Variants in SNX13 observed in about 807,000 individuals in gnomAD.
SNX13 encodes sorting nexin-13.
SNX13 carries 45 observed loss-of-function variants against 133.6 expected under a neutral mutation model. The ratio of observed to expected loss-of-function variants is 0.34; its 90% CI spans 0.27 to 0.43. SNX13 has a LOEUF of 0.43. Among genes scored for constraint, SNX13 ranks in the 20% least tolerant of loss-of-function variants. The probability of loss-of-function intolerance (pLI) is 1.00; values close to 1 mark genes in which losing one functional copy is unlikely to be tolerated. For synonymous variants in SNX13, 414 were observed against 373.9 expected (o/e 1.11, Z -1.24); for missense variants, 1,032 against 1,145.1 (o/e 0.90, Z 1.43).
chr7:17,794,056 G>A lies in SNX13; in HGVS notation c.2863C>T (p.Gln955Ter). ...CATAGAGTGGAGTGTCACCTTTTCTGCAAAGAAGGCGCTTGAGTAGTTTGA... is the reference window on the plus strand; with the variant it reads ...CATAGAGTGGAGTGTCACCTTTTCTACAAAGAAGGCGCTTGAGTAGTTTGA... Reference protein sequence around the residue: ...KLQTTQAPSLQKR With the variant: ...KLQTTQAPSL Residue 955 changes from glutamine (Q) to a stop codon, truncating the protein, a stop_gained, in exon 26 of 26, where the codon CAG (glutamine) becomes TAG (stop). Transcript: ENST00000428135. LOFTEE classifies it high-confidence loss of function. The A allele has an allele frequency of 6.2e-7, 1 of 1,610,988 alleles. No homozygotes were observed. The highest frequency in any genetic ancestry group is 8.5e-7 in the Non-Finnish European group (1 of 1,177,964).
chr7:17,829,992 A>G lies in SNX13; in HGVS notation c.1635+18T>C. On this transcript the variant is annotated intron_variant, in intron 16 of 25. Transcript: ENST00000428135. ...TATTTTCAAGTCACTTTAATAAAGT[A>G]CCCATAATAGTACTTACCAAATTTA... 1 of 1,504,582 alleles carries G rather than the reference A, an allele frequency of 6.6e-7. No homozygotes were observed. The highest frequency in any genetic ancestry group is 9.0e-7 in the Non-Finnish European group (1 of 1,111,696). 93.2% of individuals were successfully genotyped at this position (1,504,582 alleles called of 1,614,324 possible). A position where few individuals can be genotyped will look rare whatever the true frequency, so the allele number is the denominator to read the frequency against.
At chr7:17,839,248 A>G (rs901990016) in intron 13 of SNX13, among the ~76,000 whole-genome samples, 1 of 149,896 alleles carries the variant, frequency 6.7e-6, no homozygotes, top group Non-Finnish European at 1.5e-5. Flanking sequence ...TATAGTATAT[A>G]TATTATTCTA....
chr7:17,831,963 CT>C (rs1432255136), intron 15 of SNX13: 3 of 983,804 alleles, frequency 3.0e-6, no homozygotes, highest in African/African-American at 3.5e-5. Context: ...ACTCCATATA[CT>C]TTTTTTGAAT....
At chr7:17,831,842 A>T in intron 15 of SNX13, 2 of 983,764 alleles carry the variant, frequency 2.0e-6, no homozygotes, top group Non-Finnish European at 2.4e-6. Flanking sequence ...GAAGTATATC[A>T]GAAGCATTAC....
intron 16 of SNX13, among the ~76,000 whole-genome samples, chr7:17,828,171 G>C (rs756559535): frequency 1.2e-4 from 18 of 151,564 alleles, no homozygotes; most frequent in Non-Finnish European, 3.0e-5. Flanking sequence ...GAAAACTTTG[G>C]AAAAACATTA....
In SNX13 at chr7:17,940,323, C is replaced by T; in HGVS notation, c.-28G>A. Reference sequence around the variant, plus strand: ...TTACACCCCGGGGAAGTGAGGTCCTCCCTAGCCTCGCCTCATGGCAACAGC... The same window carrying T: ...TTACACCCCGGGGAAGTGAGGTCCTTCCTAGCCTCGCCTCATGGCAACAGC... On this transcript the variant is annotated 5_prime_UTR_variant, in exon 1 of 26. Coordinates refer to ENST00000428135, the MANE Select transcript of SNX13 (RefSeq NM_015132.5). The T allele has an allele frequency of 6.4e-7, 1 of 1,563,306 alleles. No homozygotes were observed. Among genetic ancestry groups the T allele is most frequent in the South Asian group, 1.2e-5 (1 of 84,676 alleles).
In SNX13 at chr7:17,796,901, A is replaced by T; in HGVS notation, c.2552T>A (p.Val851Asp). 1 of 1,611,164 alleles carries T rather than the reference A, an allele frequency of 6.2e-7. No homozygotes were observed. ...TCGAATACTTTTATCTCTGCATGGAACAGCCTCTGCTAAAATGCCATTTGG... is the reference window on the plus strand; with the variant it reads ...TCGAATACTTTTATCTCTGCATGGATCAGCCTCTGCTAAAATGCCATTTGG... Reference protein sequence around the residue: ...FWPNGILAEAVPCRDKSIRMR... With the variant: ...FWPNGILAEADPCRDKSIRMR... The change falls in exon 25 of 26, where the codon GTT (valine) becomes GAT (aspartate). Residue 851 changes from valine (V) to aspartate (D), a missense_variant. Physicochemically the swap from Val to Asp is radical, Grantham distance 152. Transcript: ENST00000428135.
intron 20 of SNX13, among the ~76,000 whole-genome samples, chr7:17,813,843 C>T (rs185268337): frequency 1.3e-4 from 20 of 152,286 alleles, no homozygotes; most frequent in South Asian, 8.3e-4. Flanking sequence ...ACCTCAGCTT[C>T]CCAAAGCGCT....
chr7:17,881,259 C>CAT (rs968637728), intron 5 of SNX13: 5 of 151,468 alleles, frequency 3.3e-5, no homozygotes, highest in African/African-American at 1.2e-4. Context: ...CACACACACA[C>CAT]ACAGAGGTCC....
chr7:17,869,291 A>G (rs1378076702), intron 8 of SNX13, among the ~76,000 whole-genome samples: 3 of 152,110 alleles, frequency 2.0e-5, no homozygotes, highest in Non-Finnish European at 2.9e-5. Context: ...CAACTTATCT[A>G]CTGAATTATT....
intron 20 of SNX13, among the ~76,000 whole-genome samples, chr7:17,812,070 T>C (rs577297271): frequency 6.6e-6 from 1 of 152,028 alleles, no homozygotes; most frequent in African/African-American, 2.4e-5. Flanking sequence ...GGCAATACAA[T>C]CCAGGACATA....
intron 1 of SNX13, chr7:17,899,544 A>T (rs1265066775): frequency 6.6e-6 from 1 of 151,674 alleles, no homozygotes; most frequent in African/African-American, 2.4e-5. Flanking sequence ...GCCTGTCTTC[A>T]AGTTCACTCA....
chr7:17,913,819 G>A (rs1192830693), intron 1 of SNX13, among the ~76,000 whole-genome samples: 1 of 145,070 alleles, frequency 6.9e-6, no homozygotes, highest in Non-Finnish European at 1.5e-5. Context: ...GAAGGAACCA[G>A]CACAAGAACT....
In SNX13 at chr7:17,790,908, GCA is replaced by G. The variant is rs1783476436; in HGVS notation, c.*3135_*3136del. 1 of 151,912 alleles carries G rather than the reference GCA, an allele frequency of 6.6e-6. No individual in the cohort carries two copies. The highest frequency in any genetic ancestry group is 2.4e-5 in the African/African-American group (1 of 41,382). The allele number at this position is 151,912 out of a possible 1,614,324, so 9.4% of individuals were successfully genotyped here. A position where few individuals can be genotyped will look rare whatever the true frequency, so the allele number is the denominator to read the frequency against. ...AAGAAAGTATTGATAGAACAGTTAG[GCA>G]CACAGTTGACACTTACTGTACAATG... On this transcript the variant is annotated 3_prime_UTR_variant, in exon 26 of 26. Coordinates refer to ENST00000428135, the MANE Select transcript of SNX13 (RefSeq NM_015132.5).
intron 15 of SNX13, chr7:17,832,364 T>A: frequency 1.0e-6 from 1 of 984,594 alleles, no homozygotes; most frequent in Non-Finnish European, 1.2e-6. Context: ...GATCAAAAAT[T>A]ACTTCCACAG....
In SNX13 at chr7:17,834,115, T is replaced by C. The variant is rs765244745; in HGVS notation, c.1534A>G (p.Met512Val). 1 of 1,594,958 alleles carries C rather than the reference T, an allele frequency of 6.3e-7. No homozygotes were observed. The highest frequency in any genetic ancestry group is 8.6e-7 in the Non-Finnish European group (1 of 1,168,082). Residue 512 changes from methionine (M) to valine (V), a missense_variant, in exon 15 of 26, where the codon ATG (methionine) becomes GTG (valine). Physicochemically the swap from Met to Val is conservative, Grantham distance 21. Transcript: ENST00000428135. ...TTTAACATGTCAAGCTCAGCTAACA[T>C]GCGCACATAAAGTGCATTCTGTCTG... ...SFRQNALYVR[M>V]LAELDMLKDP...
chr7:17,810,250 GA>G (rs1363978579), intron 20 of SNX13, among the ~76,000 whole-genome samples: 3 of 151,752 alleles, frequency 2.0e-5, no homozygotes, highest in South Asian at 4.1e-4. Context: ...GAAAAGAGAA[GA>G]ATCAAATAGA....
At chr7:17,937,241 T>C (rs574424961) in intron 1 of SNX13, among the ~76,000 whole-genome samples, 1 of 152,176 alleles carries the variant, frequency 6.6e-6, no homozygotes, top group African/African-American at 2.4e-5. Context: ...AGGCTCAAAG[T>C]TCAATGTACA....
At position 17,834,123 on chromosome 7, in the gene SNX13, T is replaced by C; in HGVS notation, c.1526A>G (p.Tyr509Cys). Residue 509 changes from tyrosine to cysteine, a missense_variant, in exon 15 of 26, where the codon TAT becomes TGT. By Grantham distance (194) the Tyr-to-Cys change is radical. Transcript: ENST00000428135. The part of the protein sequence containing the change: ...FYPSFRQNAL[Y>C]VRMLAELDML... ...GTCAAGCTCAGCTAACATGCGCACA[T>C]AAAGTGCATTCTGTCTGAAGGAAGG... 2 of 1,595,702 alleles carry C rather than the reference T, an allele frequency of 1.3e-6. No individual in the cohort carries two copies. The highest frequency in any genetic ancestry group is 1.7e-6 in the Non-Finnish European group (2 of 1,168,536).
Sources: allele counts gnomAD v4.1 joint callset (sites outside exome capture counted in the v4.1 genomes callset), GRCh38; gene constraint gnomAD v4.1.1; transcripts MANE v1.5; gene names NCBI Gene and HGNC (gene_info 2026-07-23, HGNC 2026-07-21).